The following SMYD3 variants were observed in gnomAD, a reference collection of about 807,000 sequenced individuals.
SMYD3 encodes SET and MYND domain containing 3.
SMYD3 carries 36 observed loss-of-function variants against 57.7 expected under a neutral mutation model. That is an observed-to-expected ratio of 0.62 (90% CI 0.48 to 0.82). SMYD3 has a LOEUF of 0.82. Among genes scored for constraint, SMYD3 ranks in the 40% least tolerant of loss-of-function variants. SMYD3 has a pLI of 0.00. For missense variants in SMYD3, 515 were observed against 538.8 expected (o/e 0.96, Z 0.44); for synonymous variants, 211 against 195.0 (o/e 1.08, Z -0.68).
intron 5 of SMYD3, among the ~76,000 whole-genome samples, chr1:245,989,708 G>A (rs2058777757): frequency 6.6e-6 from 1 of 152,258 alleles, no homozygotes; most frequent in South Asian, 2.1e-4. Context: ...CCAATGACAA[G>A]TGGGGCTTCC....
intron 5 of SMYD3, among the ~76,000 whole-genome samples, chr1:246,253,822 G>A (rs1046780577): frequency 2.2e-4 from 34 of 152,172 alleles, no homozygotes; most frequent in African/African-American, 8.2e-4. Flanking sequence ...GCAACTATAT[G>A]TCTTTTTGGT....
At chr1:245,826,271 A>G (rs1300103292) in intron 10 of SMYD3, among the ~76,000 whole-genome samples, 2 of 152,026 alleles carry the variant, frequency 1.3e-5, no homozygotes, top group African/African-American at 2.4e-5. Flanking sequence ...GATACTTCAT[A>G]TAACTGGAAT....
intron 5 of SMYD3, among the ~76,000 whole-genome samples, chr1:246,250,034 C>G (rs898993891): frequency 6.6e-6 from 1 of 152,156 alleles, no homozygotes; most frequent in Non-Finnish European, 1.5e-5. Flanking sequence ...TAAATTCAAA[C>G]GCATTCCTTT....
intron 8 of SMYD3, among the ~76,000 whole-genome samples, chr1:245,908,578 T>C (rs1257561071): frequency 6.6e-6 from 1 of 152,254 alleles, no homozygotes; most frequent in African/African-American, 2.4e-5. Context: ...AATGATACAT[T>C]AGTCCTCTAA....
chr1:246,038,549 G>A (rs182697917), intron 5 of SMYD3, among the ~76,000 whole-genome samples: 44 of 152,240 alleles, frequency 2.9e-4, no homozygotes, highest in Admixed American at 2.4e-3. Context: ...TATTCTAGAC[G>A]TTAAAAAACA....
chr1:246,029,123 A>G (rs1202068041), intron 5 of SMYD3, among the ~76,000 whole-genome samples: 1 of 152,224 alleles, frequency 6.6e-6, no homozygotes, highest in Non-Finnish European at 1.5e-5. Flanking sequence ...TAAAACTACT[A>G]GAAGAAAACA....
At chr1:246,080,220 C>T (rs535714991) in intron 5 of SMYD3, among the ~76,000 whole-genome samples, 1 of 131,410 alleles carries the variant, frequency 7.6e-6, no homozygotes, top group East Asian at 1.9e-4. Flanking sequence ...GGTCACACGG[C>T]AGGAGGCGAG....
chr1:246,395,671 CA>C (rs2066652163), intron 1 of SMYD3, among the ~76,000 whole-genome samples: 7 of 82,228 alleles, frequency 8.5e-5, no homozygotes, highest in African/African-American at 1.9e-4. Context: ...GAACCCACCA[CA>C]GTCAGACAGG....
chr1:245,775,416 A>T (rs1197473628), intron 10 of SMYD3, among the ~76,000 whole-genome samples: 1 of 151,934 alleles, frequency 6.6e-6, no homozygotes, highest in Non-Finnish European at 1.5e-5. Flanking sequence ...CCTTACCCCC[A>T]ACCCTGTGCT....
intron 1 of SMYD3, among the ~76,000 whole-genome samples, chr1:246,386,177 C>T (rs531253671): frequency 2.6e-5 from 4 of 152,158 alleles, no homozygotes; most frequent in Admixed American, 1.3e-4. Context: ...CATGAGCCAC[C>T]GCGTCTGGCC....
intron 8 of SMYD3, among the ~76,000 whole-genome samples, chr1:245,894,093 G>T (rs192478468): frequency 2.0e-5 from 3 of 152,296 alleles, no homozygotes; most frequent in East Asian, 3.9e-4. Flanking sequence ...GTGGAGTGGG[G>T]AATTGGAGAA....
At chr1:246,489,074 C>T (rs777556519) in intron 1 of SMYD3, among the ~76,000 whole-genome samples, 48 of 152,136 alleles carry the variant, frequency 3.2e-4, no homozygotes, top group Non-Finnish European at 5.6e-4. Context: ...AGGCCGGGCG[C>T]GGTGGTTCAC....
At chr1:246,124,178 C>G (rs192139960) in intron 5 of SMYD3, among the ~76,000 whole-genome samples, 1 of 152,202 alleles carries the variant, frequency 6.6e-6, no homozygotes, top group African/African-American at 2.4e-5. Flanking sequence ...GATAAACACT[C>G]TCTTTAAAAA....
intron 2 of SMYD3, among the ~76,000 whole-genome samples, chr1:246,354,128 A>T (rs1024063800): frequency 6.6e-6 from 1 of 152,220 alleles, no homozygotes; most frequent in Non-Finnish European, 1.5e-5. Context: ...ATAAGAAACA[A>T]AAAGGATGAG....
At chr1:246,352,136 C>CAAAAAAAAAAAA (rs10581690) in intron 2 of SMYD3, among the ~76,000 whole-genome samples, 10 of 60,478 alleles carry the variant, frequency 1.7e-4, no homozygotes, top group Non-Finnish European at 3.0e-4. Flanking sequence ...GACTCTGTCT[C>CAAAAAAAAAAAA]AAAAAAAAAA....
intron 5 of SMYD3, among the ~76,000 whole-genome samples, chr1:246,237,948 C>G (rs2148467348): frequency 6.6e-6 from 1 of 152,262 alleles, no homozygotes; most frequent in East Asian, 1.9e-4. Context: ...GAAAGTAATA[C>G]ATGCATTTTT....
chr1:246,496,472 A>C (rs913454188), intron 1 of SMYD3, among the ~76,000 whole-genome samples: 1 of 152,188 alleles, frequency 6.6e-6, no homozygotes, highest in Non-Finnish European at 1.5e-5. Context: ...TGCAAATGCT[A>C]TAAGAACAAC....
At chr1:246,417,425 G>A (rs1342775262) in intron 1 of SMYD3, 5 of 152,188 alleles carry the variant, frequency 3.3e-5, no homozygotes, top group Admixed American at 2.0e-4. Flanking sequence ...CGAAAGCTTG[G>A]AGCCCAGGGT....
chr1:246,329,097 A>G (rs1344760628), intron 4 of SMYD3, among the ~76,000 whole-genome samples: 1 of 152,212 alleles, frequency 6.6e-6, no homozygotes, highest in Non-Finnish European at 1.5e-5. Context: ...TCATTGTTGG[A>G]CATTTGGCTT....
Sources: gnomAD v4.1 joint callset for allele counts (sites outside exome capture counted in the v4.1 genomes callset) on GRCh38, gnomAD v4.1.1 for gene constraint, MANE v1.5 for transcripts, NCBI Gene and HGNC (gene_info 2026-07-23, HGNC 2026-07-21) for gene names.